The following SMG5 variants were observed in gnomAD, a reference collection of about 807,000 sequenced individuals.
The protein encoded by SMG5 is nonsense-mediated mRNA decay factor SMG5.
SMG5 carries 53 observed loss-of-function variants against 122.9 expected under a neutral mutation model. The observed-to-expected ratio is 0.43, with a 90% confidence interval of 0.35 to 0.54. The LOEUF (loss-of-function observed/expected upper bound fraction) is 0.54. Ranked by LOEUF, SMG5 falls within the 20% of genes least tolerant of loss-of-function variation. The pLI, the probability that SMG5 is intolerant of heterozygous loss-of-function variation, is 0.01. For missense variants in SMG5, 1,153 were observed against 1,285.6 expected, an observed-to-expected ratio of 0.90 and a Z score of 1.58; for synonymous variants, 477 against 490.2, an observed-to-expected ratio of 0.97 and a Z score of 0.35.
chr1:156,253,060 C>G lies in SMG5; in HGVS notation c.2521G>C (p.Glu841Gln). 6.2e-7 allele frequency: 1 copy of G among 1,607,980 alleles called. No individual in the cohort carries two copies. Among genetic ancestry groups the G allele is most frequent in the East Asian group, 2.2e-5 (1 of 44,746 alleles). The change falls in exon 18 of 22, where the codon GAG becomes CAG. Residue 841 changes from glutamate (E) to glutamine (Q), a missense_variant. This residue lies in a region of SMG5 where 140 missense variants were observed against 227.8 expected (regional missense o/e 0.61). Coordinates refer to ENST00000361813, the MANE Select transcript of SMG5 (RefSeq NM_015327.3). ...LRLQLEVSQL[E>Q]GSLQQPKAQS... is the part of the protein sequence containing the mutation. ...GCCTTGGGCTGCTGCAGGCTGCCCTCCAGCTGAGACACTTCGAGCTGGTGA... is the reference window on the plus strand; with the variant it reads ...GCCTTGGGCTGCTGCAGGCTGCCCTGCAGCTGAGACACTTCGAGCTGGTGA...
chr1:156,263,308 C>T (rs938933641), intron 13 of SMG5, 87 bp downstream of exon 13: 8 of 1,439,664 alleles, frequency 5.6e-6, no homozygotes, highest in Non-Finnish European at 6.6e-6. Context: ...CCTTGGCCAT[C>T]AGGGGGGATC....
At chr1:156,289,244 GC>G in the SMG5 span, among the ~76,000 whole-genome samples, 1 of 152,202 alleles carries the variant, frequency 6.6e-6, no homozygotes, top group Non-Finnish European at 1.5e-5. Context: ...GGAGGCCAAG[GC>G]AGGTGGATCA....
In SMG5 at chr1:156,266,467, G is replaced by T. The variant is rs1662149763; in HGVS notation, c.1255+74C>A. 5 of 1,608,022 alleles carry T rather than the reference G, an allele frequency of 3.1e-6. No individual in the cohort carries two copies. In the East Asian group the frequency reaches 1.1e-4, roughly 36 times the overall value. ...TGCTCTCCAACACCACTTCCCCCGA[G>T]TCTGTGTTCCTTTCCTTCATCCCCA... On this transcript the variant is annotated intron_variant, in intron 11 of 21. Coordinates refer to ENST00000361813, the MANE Select transcript of SMG5 (RefSeq NM_015327.3).
At position 156,277,836 on chromosome 1, in the gene SMG5, C is replaced by T. The variant is rs182117840; in HGVS notation, c.297+89G>A. ...CTCTTACTGCCATGTTTTCTTGGCT[C>T]CCCTACCTCCAACCATGTTCTGCGC... On this transcript the variant is annotated intron_variant, in intron 3 of 21. Transcript: ENST00000361813. 217 of 1,556,226 alleles carry T rather than the reference C, an allele frequency of 1.4e-4. No homozygotes were observed. In the African/African-American group the frequency reaches 2.5e-3, roughly 18 times the overall value.
intron 13 of SMG5, 42 bp from the exon 14 acceptor site, chr1:156,261,450 G>C (rs979708746): frequency 1.0e-5 from 16 of 1,552,246 alleles, no homozygotes; most frequent in Non-Finnish European, 1.4e-5. Context: ...GCTAGAGACA[G>C]TGGTGGAGAA....
At chr1:156,263,661 C>G (rs1011211783) in intron 12 of SMG5, 91 bp from the exon 13 acceptor site, 1 of 1,410,200 alleles carries the variant, frequency 7.1e-7, no homozygotes, top group African/African-American at 1.4e-5. Context: ...AGCATGCTTC[C>G]ACCTGGCCTG....
chr1:156,250,619 C>A lies in SMG5; in HGVS notation c.3019G>T (p.Asp1007Tyr). 6.2e-7 allele frequency: 1 copy of A among 1,614,146 alleles called. No homozygotes were observed. Among genetic ancestry groups the A allele is most frequent in the South Asian group, 1.1e-5 (1 of 91,076 alleles). Residue 1007 changes from aspartate to tyrosine, a missense_variant, in exon 22 of 22, where the codon GAC (aspartate) becomes TAC (tyrosine). This residue lies in a region of SMG5 where 84 missense variants were observed against 82.3 expected (regional missense o/e 1.02). Coordinates refer to ENST00000361813, the MANE Select transcript of SMG5 (RefSeq NM_015327.3). The part of the protein sequence containing the change: ...HASVDIKNVL[D>Y]FYKQWKEIG Reference sequence around the variant, plus strand: ...ATTTCCTTCCACTGCTTGTAGAAGTCCAGAACATTCTTGATGTCCACACTG... The same window carrying A: ...ATTTCCTTCCACTGCTTGTAGAAGTACAGAACATTCTTGATGTCCACACTG...
intron 7 of SMG5, among the ~76,000 whole-genome samples, chr1:156,270,534 C>A (rs1298601868): frequency 6.6e-6 from 1 of 152,200 alleles, no homozygotes; most frequent in Non-Finnish European, 1.5e-5. Context: ...AATGTCTAAC[C>A]CATAAACCAT....
At chr1:156,278,626 C>CA (rs372356243) in intron 2 of SMG5, among the ~76,000 whole-genome samples, 3 of 152,126 alleles carry the variant, frequency 2.0e-5, no homozygotes, top group African/African-American at 7.2e-5. Flanking sequence ...CTTGGTCTCC[C>CA]AAGGTGCTGG....
rs191915977 is a variant in SMG5, at chr1:156,279,826, A to G, written c.75-792T>C. Among the ~76,000 whole-genome samples the G allele has an allele frequency of 5.4e-3, 824 of 152,306 alleles. 24 individuals carry two copies. The highest frequency in any genetic ancestry group is 0.048 in the Admixed American group (738 of 15,290). ...ATTCTGATAAGCCTAGATTCTGCTG[A>G]AGGAATTATTTGTTGAACATAGTGG... On this transcript the variant is annotated intron_variant, in intron 1 of 21. Coordinates refer to ENST00000361813, the MANE Select transcript of SMG5 (RefSeq NM_015327.3).
At chr1:156,285,635 A>G (rs1663128110), upstream of SMG5, 2 of 1,614,062 alleles carry the variant, frequency 1.2e-6, no homozygotes, top group East Asian at 4.5e-5. Context: ...CCTACAGTGC[A>G]TTGAGCGGCA....
intron 19 of SMG5, 47 bp downstream of exon 19, chr1:156,252,365 CAA>C (rs1661389507): frequency 6.3e-7 from 1 of 1,583,584 alleles, no homozygotes; most frequent in Non-Finnish European, 8.7e-7. Context: ...ATGTGTTATC[CAA>C]AAGACAGACC....
upstream of SMG5, chr1:156,285,191 T>A: frequency 6.6e-7 from 1 of 1,514,516 alleles, no homozygotes; most frequent in East Asian, 2.3e-5. Flanking sequence ...CAGGATGACA[T>A]GACCTTGTGG....
the SMG5 span, chr1:156,291,293 C>T: frequency 2.6e-6 from 3 of 1,168,628 alleles, no homozygotes; most frequent in Non-Finnish European, 3.8e-6. Context: ...CTGCATCTGC[C>T]TCCCCTATCT....
At chr1:156,273,719 T>C (rs1662547650) in intron 5 of SMG5, among the ~76,000 whole-genome samples, 1 of 43,622 alleles carries the variant, frequency 2.3e-5, no homozygotes, top group Non-Finnish European at 6.6e-5. Flanking sequence ...TTTTGTTTTC[T>C]TTTTTTTTTT....
chr1:156,291,418 C>A, the SMG5 span: 1 of 1,614,130 alleles, frequency 6.2e-7, no homozygotes, highest in South Asian at 1.1e-5. Context: ...CCGTGGGCCG[C>A]TCCTTCCGAG....
At chr1:156,285,714 G>A (rs756243204), upstream of SMG5, 8 of 1,613,034 alleles carry the variant, frequency 5.0e-6, no homozygotes, top group South Asian at 4.4e-5. Context: ...ATGCCCCCCC[G>A]GGTCACCCAC....
At chr1:156,279,398 A>C (rs1662835010) in intron 1 of SMG5, among the ~76,000 whole-genome samples, 1 of 152,202 alleles carries the variant, frequency 6.6e-6, no homozygotes, top group Non-Finnish European at 1.5e-5. Flanking sequence ...CAACAGTGTC[A>C]AAGTAGAGAA....
intron 2 of SMG5, among the ~76,000 whole-genome samples, 193 bp from the exon 3 acceptor site, chr1:156,278,241 C>A (rs141239032): frequency 6.6e-6 from 1 of 152,126 alleles, no homozygotes; most frequent in Admixed American, 6.5e-5. Flanking sequence ...GACAGAAGCA[C>A]GAAGCACTAA....
Sources: gnomAD v4.1 joint callset for allele counts (sites outside exome capture counted in the v4.1 genomes callset) on GRCh38, gnomAD v4.1.1 for gene constraint, gnomAD v4.1.1 regional missense constraint, MANE v1.5 for transcripts, NCBI Gene and HGNC (gene_info 2026-07-23, HGNC 2026-07-21) for gene names.